Variants in FGF14 observed in about 807,000 individuals in gnomAD.
The protein encoded by FGF14 is fibroblast growth factor 14.
A neutral mutation model predicts 25.5 loss-of-function variants in FGF14; 5 were observed. The observed-to-expected ratio is 0.20, with a 90% CI of 0.10 to 0.41. The LOEUF (loss-of-function observed/expected upper bound fraction) is 0.41. Among genes scored for constraint, FGF14 ranks in the 10% least tolerant of loss-of-function variants. The pLI is 1.00. For synonymous variants in FGF14, 138 were observed against 118.3 expected, an observed-to-expected ratio of 1.17 and a Z score of -1.08; for missense variants, 222 against 320.1, an observed-to-expected ratio of 0.69 and a Z score of 2.34.
intron 1 of FGF14, among the ~76,000 whole-genome samples, chr13:102,189,043 AGAAAGAATGAAAG>A (rs1566797294): frequency 1.5e-5 from 1 of 65,230 alleles, no homozygotes; most frequent in African/African-American, 5.4e-5. Flanking sequence ...AGAAAGAAAG[AGAAAGAATGAAAG>A]AAGAAAAGAA....
At chr13:101,848,088 A>G (rs2043558692) in intron 3 of FGF14, among the ~76,000 whole-genome samples, 3 of 152,054 alleles carry the variant, frequency 2.0e-5, no homozygotes, top group African/African-American at 7.2e-5. Flanking sequence ...TAAACTTAAC[A>G]TATTTCATTT....
intron 1 of FGF14, among the ~76,000 whole-genome samples, chr13:102,364,989 T>C (rs1300867687): frequency 6.6e-6 from 1 of 152,186 alleles, no homozygotes; most frequent in Admixed American, 6.6e-5. Context: ...AGTAAGATTT[T>C]TCCCTTAAAA....
intron 4 of FGF14, among the ~76,000 whole-genome samples, chr13:101,724,689 A>T (rs59408893): frequency 0.99 from 144,237 of 145,642 alleles, 71,442 homozygotes; most frequent in East Asian, 1. Context: ...TTAATTTGTC[A>T]AACATTTCCA....
chr13:101,914,740 C>CACAAG (rs1218640091), intron 1 of FGF14, among the ~76,000 whole-genome samples: 1 of 152,130 alleles, frequency 6.6e-6, no homozygotes, highest in African/African-American at 2.4e-5. Context: ...AAGAAATACA[C>CACAAG]ACAAGTTTTA....
At chr13:102,152,151 T>C (rs1000627062) in intron 1 of FGF14, among the ~76,000 whole-genome samples, 1 of 152,102 alleles carries the variant, frequency 6.6e-6, no homozygotes, top group Non-Finnish European at 1.5e-5. Context: ...AAAGTGAAAA[T>C]GGTGGTTTTC....
chr13:101,833,490 TAAG>T (rs2042776518), intron 3 of FGF14, among the ~76,000 whole-genome samples: 1 of 151,982 alleles, frequency 6.6e-6, no homozygotes, highest in Admixed American at 6.6e-5. Flanking sequence ...GACAAAAAAA[TAAG>T]GTCTACAAGT....
chr13:102,285,793 TG>T lies in FGF14; in HGVS notation c.208+115677del, dbSNP rs1481341702. ...ATTATTTTTATTCCCATTTTCCAAATGAAAAAATGGAAGCAAAGAGAAAGAA... is the reference window on the plus strand; with the variant it reads ...ATTATTTTTATTCCCATTTTCCAAATAAAAAATGGAAGCAAAGAGAAAGAA... On this transcript the variant is annotated intron_variant, in intron 1 of 4. Transcript: ENST00000376131. Among the ~76,000 whole-genome samples the T allele has an allele frequency of 4.6e-5, 7 of 152,118 alleles. No homozygotes were observed. In the South Asian group the frequency reaches 6.2e-4, roughly 13 times the overall value.
chr13:101,737,530 C>T (rs1283468260), intron 3 of FGF14, among the ~76,000 whole-genome samples: 1 of 152,070 alleles, frequency 6.6e-6, no homozygotes, highest in Non-Finnish European at 1.5e-5. Context: ...ACTTTATCTT[C>T]CTTTATCAAT....
chr13:101,838,664 C>A (rs996438791), intron 3 of FGF14, among the ~76,000 whole-genome samples: 1 of 151,850 alleles, frequency 6.6e-6, no homozygotes, highest in South Asian at 2.1e-4. Flanking sequence ...GTCAAGTAGA[C>A]CGAAAACAAA....
chr13:101,917,006 G>C (rs1236887434), upstream of FGF14, among the ~76,000 whole-genome samples: 1 of 151,580 alleles, frequency 6.6e-6, no homozygotes, highest in East Asian at 1.9e-4. Flanking sequence ...CGCCACTCGC[G>C]CTGCCTTCTC....
intron 1 of FGF14, among the ~76,000 whole-genome samples, chr13:102,203,049 G>A (rs991325588): frequency 1.3e-5 from 2 of 152,108 alleles, no homozygotes; most frequent in Admixed American, 6.6e-5. Flanking sequence ...TGGAAGACAG[G>A]AAACCCTATT....
chr13:102,229,842 T>C (rs2140987892), intron 1 of FGF14, among the ~76,000 whole-genome samples: 1 of 152,338 alleles, frequency 6.6e-6, no homozygotes, highest in Non-Finnish European at 1.5e-5. Context: ...ATTGTGACAG[T>C]GGACAGATCA....
At chr13:101,859,697 A>G (rs1017819793) in intron 3 of FGF14, among the ~76,000 whole-genome samples, 1 of 152,176 alleles carries the variant, frequency 6.6e-6, no homozygotes, top group Middle Eastern at 3.4e-3. Flanking sequence ...GTAGTTAGGA[A>G]ATACGTGTTA....
chr13:102,276,430 T>C (rs924727093), intron 1 of FGF14, among the ~76,000 whole-genome samples: 3 of 149,696 alleles, frequency 2.0e-5, no homozygotes, highest in South Asian at 2.1e-4. Flanking sequence ...TCAGCAAAGA[T>C]CTCTTGAAAT....
intron 1 of FGF14, among the ~76,000 whole-genome samples, chr13:101,950,369 C>G (rs1230371980): frequency 6.6e-6 from 1 of 152,198 alleles, no homozygotes; most frequent in African/African-American, 2.4e-5. Flanking sequence ...ATCCTTAACT[C>G]AGGACCTCCA....
intron 1 of FGF14, among the ~76,000 whole-genome samples, chr13:102,379,582 T>G (rs115945191): frequency 6.6e-6 from 1 of 151,810 alleles, no homozygotes; most frequent in African/African-American, 2.4e-5. Flanking sequence ...GAAAGAGAGA[T>G]AGTTCAGTGG....
At chr13:102,334,602 G>C (rs2056735674) in intron 1 of FGF14, among the ~76,000 whole-genome samples, 1 of 152,142 alleles carries the variant, frequency 6.6e-6, no homozygotes. Context: ...CTATTACAAA[G>C]AAATGCCAAT....
chr13:102,395,623 G>A (rs188097757), intron 1 of FGF14: 2 of 152,144 alleles, frequency 1.3e-5, no homozygotes, highest in Non-Finnish European at 2.9e-5. Context: ...AAAATGTATC[G>A]TCCTGCCCTT....
chr13:102,371,142 G>A (rs1008264465), intron 1 of FGF14, among the ~76,000 whole-genome samples: 8 of 152,062 alleles, frequency 5.3e-5, no homozygotes, highest in South Asian at 2.1e-4. Context: ...AGGTCTTACC[G>A]ACTTAAGGCC....
Sources: allele counts gnomAD v4.1 joint callset (sites outside exome capture counted in the v4.1 genomes callset), GRCh38; gene constraint gnomAD v4.1.1; transcripts MANE v1.5; gene names NCBI Gene and HGNC (gene_info 2026-07-23, HGNC 2026-07-21).